LRBA: variants seen among roughly 807,000 people sequenced by gnomAD.
LRBA encodes the protein lipopolysaccharide-responsive and beige-like anchor protein.
A neutral mutation model predicts 330.0 loss-of-function variants in LRBA; 176 were observed. The ratio of observed to expected loss-of-function variants is 0.53; its 90% CI spans 0.47 to 0.60. The LOEUF (loss-of-function observed/expected upper bound fraction) is 0.60. Among genes scored for constraint, LRBA ranks in the 20% least tolerant of loss-of-function variants. The pLI is 0.00. For missense variants in LRBA, 3,259 were observed against 3,444.8 expected (o/e 0.95, Z 1.35); for synonymous variants, 1,230 against 1,193.0 (o/e 1.03, Z -0.64).
intron 47 of LRBA, among the ~76,000 whole-genome samples, chr4:150,393,228 A>G (rs563411086): frequency 5.3e-5 from 8 of 151,884 alleles, no homozygotes; most frequent in Non-Finnish European, 7.4e-5. Context: ...TCATCTTTGT[A>G]TTTTCTCAGA....
chr4:150,869,429 C>T (rs1753157704), intron 20 of LRBA, among the ~76,000 whole-genome samples: 1 of 152,152 alleles, frequency 6.6e-6, no homozygotes, highest in African/African-American at 2.4e-5. Flanking sequence ...CGGCTCATGC[C>T]TGTAATCCCA....
At chr4:150,678,895 G>A (rs566631817) in intron 37 of LRBA, among the ~76,000 whole-genome samples, 100 of 152,070 alleles carry the variant, frequency 6.6e-4, no homozygotes, top group African/African-American at 2.3e-3. Context: ...TCCACATAGC[G>A]TAACGGAATC....
At chr4:150,700,064 A>G (rs1784972089) in intron 36 of LRBA, among the ~76,000 whole-genome samples, 1 of 152,194 alleles carries the variant, frequency 6.6e-6, no homozygotes, top group Non-Finnish European at 1.5e-5. Flanking sequence ...CAGTAATATA[A>G]TACAAATATT....
intron 40 of LRBA, among the ~76,000 whole-genome samples, chr4:150,536,786 G>T (rs1226669522): frequency 1.3e-5 from 2 of 152,014 alleles, no homozygotes. Context: ...GAGGTGAAAG[G>T]TCTCCACAAA....
intron 40 of LRBA, among the ~76,000 whole-genome samples, chr4:150,519,779 T>C (rs1561295904): frequency 6.6e-6 from 1 of 152,132 alleles, no homozygotes; most frequent in Non-Finnish European, 1.5e-5. Context: ...GCCAGAACAG[T>C]TTTCAAAACA....
chr4:150,812,275 C>G (rs1373148017), intron 31 of LRBA, among the ~76,000 whole-genome samples: 4 of 152,166 alleles, frequency 2.6e-5, no homozygotes, highest in Non-Finnish European at 5.9e-5. Context: ...TGGAATGATA[C>G]TCACTTATCT....
chr4:151,007,507 AAAAAAAAAAAC>A (rs1160222133), intron 2 of LRBA, among the ~76,000 whole-genome samples: 2 of 146,092 alleles, frequency 1.4e-5, no homozygotes, highest in East Asian at 4.0e-4. Flanking sequence ...TCTGTCTCAA[AAAAAAAAAAAC>A]AAAAAAAAAA....
chr4:150,970,522 C>CG (rs1561073738), intron 2 of LRBA: 2 of 58,758 alleles, frequency 3.4e-5, no homozygotes, highest in African/African-American at 1.4e-4. Flanking sequence ...ATAATATATA[C>CG]TTGTGTGTGT....
intron 40 of LRBA, among the ~76,000 whole-genome samples, chr4:150,577,734 T>C (rs986538964): frequency 1.3e-5 from 2 of 152,164 alleles, no homozygotes; most frequent in Admixed American, 6.5e-5. Flanking sequence ...AATAAAATAA[T>C]AGATACCTTT....
At chr4:150,856,353 C>T (rs1359066138) in intron 22 of LRBA, among the ~76,000 whole-genome samples, 1 of 151,792 alleles carries the variant, frequency 6.6e-6, no homozygotes, top group African/African-American at 2.4e-5. Context: ...CCTGGAGATC[C>T]CCTTCATCTC....
chr4:150,589,960 T>C (rs75705588), intron 39 of LRBA, among the ~76,000 whole-genome samples: 1,904 of 152,290 alleles, frequency 0.013, 33 homozygotes, highest in African/African-American at 0.044. Context: ...CCAAGTGGCA[T>C]AGTAGCACAG....
chr4:150,317,044 G>C (rs1282814193), intron 50 of LRBA, among the ~76,000 whole-genome samples: 1 of 152,042 alleles, frequency 6.6e-6, no homozygotes, highest in Non-Finnish European at 1.5e-5. Context: ...ATATAATGAG[G>C]TCCTATGTGA....
chr4:150,843,175 T>A (rs988854935), intron 28 of LRBA, among the ~76,000 whole-genome samples: 1 of 152,066 alleles, frequency 6.6e-6, no homozygotes, highest in East Asian at 1.9e-4. Flanking sequence ...GATAAGAGCA[T>A]CCAGTATCAT....
At chr4:150,820,318 A>T (rs1745234067) in intron 30 of LRBA, among the ~76,000 whole-genome samples, 1 of 152,034 alleles carries the variant, frequency 6.6e-6, no homozygotes, top group African/African-American at 2.4e-5. Context: ...AACTTCAGAG[A>T]TATAATTCAC....
In LRBA at chr4:150,798,113, C is replaced by G. The variant is rs765993573; in HGVS notation, c.5548G>C (p.Val1850Leu). 7 of 1,609,426 alleles carry G rather than the reference C, an allele frequency of 4.3e-6. No homozygotes were observed. The highest frequency in any genetic ancestry group is 5.1e-6 in the Non-Finnish European group (6 of 1,176,062). The change falls in exon 34 of 57, where the codon GTT becomes CTT. Residue 1850 changes from valine (V) to leucine (L), a missense_variant. By Grantham distance (32) the Val-to-Leu change is conservative. Coordinates refer to ENST00000651943, the MANE Select transcript of LRBA (RefSeq NM_001364905.1). ...SLVCMKSSSS[V>L]VELVMLLCSQ... ...CACAGTAGCATAACCAATTCCACAACTGAACTACTCGACTTCATGCAAACC... is the reference window on the plus strand; with the variant it reads ...CACAGTAGCATAACCAATTCCACAAGTGAACTACTCGACTTCATGCAAACC...
intron 36 of LRBA, among the ~76,000 whole-genome samples, chr4:150,730,539 T>C (rs1239333478): frequency 1.3e-5 from 2 of 150,994 alleles, no homozygotes; most frequent in African/African-American, 4.9e-5. Flanking sequence ...AAAAATTAGC[T>C]AGGCATGATG....
intron 40 of LRBA, among the ~76,000 whole-genome samples, chr4:150,575,267 A>T (rs1238728021): frequency 2.0e-5 from 3 of 152,004 alleles, no homozygotes; most frequent in Non-Finnish European, 1.5e-5. Context: ...CAACCAATGA[A>T]GCATTTTGTT....
At position 150,852,145 on chromosome 4, in the gene LRBA, C is replaced by T. The variant is rs1750689019; in HGVS notation, c.3565G>A (p.Ala1189Thr). ...IQTMTASGSSAMSPETTVSQI... is the reference protein window; with the variant it reads ...IQTMTASGSSTMSPETTVSQI... ...GAAACAGTAGTTTCTGGTGACATAG[C>T]TGAAGACCCTGATGCTGTCATAGTC... The change falls in exon 23 of 57, where the codon GCT (alanine) becomes ACT (threonine). Residue 1189 changes from alanine to threonine, a missense_variant. By Grantham distance (58) the Ala-to-Thr change is moderately conservative. Transcript: ENST00000651943. 1 of 1,613,996 alleles carries T rather than the reference C, an allele frequency of 6.2e-7. No individual in the cohort carries two copies. Among genetic ancestry groups the T allele is most frequent in the African/African-American group, 1.3e-5 (1 of 74,936 alleles).
intron 2 of LRBA, among the ~76,000 whole-genome samples, chr4:150,984,588 C>T (rs532008295): frequency 1.3e-5 from 2 of 152,280 alleles, no homozygotes; most frequent in East Asian, 3.9e-4. Context: ...AATTGACATG[C>T]CATCTGTCAA....
Sources: gnomAD v4.1 joint callset for allele counts (sites outside exome capture counted in the v4.1 genomes callset) on GRCh38, gnomAD v4.1.1 for gene constraint, MANE v1.5 for transcripts, NCBI Gene and HGNC (gene_info 2026-07-23, HGNC 2026-07-21) for gene names.